The following HPSE2 variants were observed in gnomAD, a reference collection of about 807,000 sequenced individuals.
HPSE2 encodes inactive heparanase-2.
Under a neutral mutation model 60.5 loss-of-function variants are expected in HPSE2, and 38 were observed. The ratio of observed to expected loss-of-function variants is 0.63; its 90% CI spans 0.48 to 0.82. HPSE2 has a LOEUF of 0.82. Ranked by LOEUF, HPSE2 falls within the 40% of genes least tolerant of loss-of-function variation. The pLI is 0.00. For synonymous variants in HPSE2, 295 were observed against 293.2 expected (o/e 1.01, Z -0.06); for missense variants, 713 against 740.4 (o/e 0.96, Z 0.43).
chr10:98,913,903 C>T (rs1176270049), intron 3 of HPSE2, among the ~76,000 whole-genome samples: 1 of 152,046 alleles, frequency 6.6e-6, no homozygotes, highest in Non-Finnish European at 1.5e-5. Context: ...AGCTTAAATC[C>T]ACAAATAATT....
chr10:99,181,940 C>T (rs1350372761), intron 2 of HPSE2, among the ~76,000 whole-genome samples: 1 of 152,064 alleles, frequency 6.6e-6, no homozygotes, highest in Non-Finnish European at 1.5e-5. Flanking sequence ...CACTTGCTCA[C>T]AGAGGAAAGA....
chr10:99,106,618 A>T (rs1156525295), intron 3 of HPSE2, among the ~76,000 whole-genome samples: 2 of 151,360 alleles, frequency 1.3e-5, no homozygotes, highest in African/African-American at 4.8e-5. Flanking sequence ...TTGTATCTAA[A>T]AATAATAATA....
rs779720749 is a variant in HPSE2, at chr10:98,852,113, A to ATATATGTGTGTGTGTG, written c.611-108058_611-108057insCACACACACACATATA. Among the ~76,000 whole-genome samples, 86 of 91,946 alleles carry ATATATGTGTGTGTGTG rather than the reference A, an allele frequency of 9.4e-4. 1 individual carries two copies. Among genetic ancestry groups the ATATATGTGTGTGTGTG allele is most frequent in the East Asian group, 1.1e-3 (3 of 2,628 alleles). The allele number at this position is 91,946 out of a possible 152,430, so 60.3% of individuals were successfully genotyped here. On this transcript the variant is annotated intron_variant, in intron 3 of 11. Transcript: ENST00000370552. ...GGTTTTGCAAACCTTGTATATTATGATGTGTGTGTGTGTGTGTGTGTGTGT... is the reference window on the plus strand; with the variant it reads ...GGTTTTGCAAACCTTGTATATTATGATATATGTGTGTGTGTGTGTGTGTGTGTGTGTGTGTGTGTGT...
Position 98,937,002 on chromosome 10 carries a change from A to C in HPSE2, c.611-192946T>G, listed in dbSNP as rs1405616975. On this transcript the variant is annotated intron_variant, in intron 3 of 11. Coordinates refer to ENST00000370552, the MANE Select transcript of HPSE2 (RefSeq NM_021828.5). ...TCAAAAAAAAAAAAAAAAAAAAAAA[A>C]AAACAAGTTTTCCAACTTTTTGGAA... 2.9e-4 allele frequency among the ~76,000 whole-genome samples: 41 copies of C among 141,128 alleles called. 5 individuals are homozygous for C. The highest frequency in any genetic ancestry group is 1.2e-3 in the African/African-American group (40 of 34,042). 92.6% of individuals were successfully genotyped at this position (141,128 alleles called of 152,430 possible).
intron 3 of HPSE2, among the ~76,000 whole-genome samples, chr10:98,957,209 A>C (rs1955531456): frequency 6.6e-6 from 1 of 152,204 alleles, no homozygotes; most frequent in African/African-American, 2.4e-5. Context: ...ACATGTCTTT[A>C]CACTAAAAGC....
At chr10:99,259,633 A>G in the HPSE2 span, among the ~76,000 whole-genome samples, 1 of 152,178 alleles carries the variant, frequency 6.6e-6, no homozygotes, top group African/African-American at 2.4e-5. Flanking sequence ...GAATAAAACA[A>G]TATTCCAACA....
rs536977279 is a variant in HPSE2 at position 98,850,288 on chromosome 10, CAA to C, written c.611-106234_611-106233del. On this transcript the variant is annotated intron_variant, in intron 3 of 11. Coordinates refer to ENST00000370552, the MANE Select transcript of HPSE2 (RefSeq NM_021828.5). ...TATCTGACATTGTTCAACAGATATT[CAA>C]AGTTCTTACATAATTGAGAAGTATA... is the stretch of plus-strand genomic sequence containing the variant. 8.0e-4 allele frequency among the ~76,000 whole-genome samples: 122 copies of C among 152,086 alleles called. 1 individual carries two copies. Among genetic ancestry groups the C allele is most frequent in the African/African-American group, 2.8e-3 (115 of 41,488 alleles).
At chr10:98,990,209 A>G (rs908488375) in intron 3 of HPSE2, among the ~76,000 whole-genome samples, 3 of 152,154 alleles carry the variant, frequency 2.0e-5, no homozygotes, top group African/African-American at 4.8e-5. Context: ...ATCAGTCTGC[A>G]AGAAATTGGT....
the HPSE2 span, among the ~76,000 whole-genome samples, chr10:99,275,242 G>A: frequency 5.7e-3 from 867 of 152,280 alleles, 3 homozygotes; most frequent in Non-Finnish European, 9.5e-3. Context: ...TTAAGATAAA[G>A]ACAAACTGAG....
intron 9 of HPSE2, among the ~76,000 whole-genome samples, chr10:98,518,779 C>T (rs941422941): frequency 7.9e-5 from 12 of 151,760 alleles, no homozygotes; most frequent in Admixed American, 5.9e-4. Flanking sequence ...CAAGATAATG[C>T]GTGCAAAGAG....
At chr10:98,826,943 T>C (rs997484654) in intron 3 of HPSE2, among the ~76,000 whole-genome samples, 1 of 151,810 alleles carries the variant, frequency 6.6e-6, no homozygotes, top group Non-Finnish European at 1.5e-5. Context: ...AGACCAGGAG[T>C]TTGGGACCAG....
Position 98,929,679 on chromosome 10 carries a change from T to C in HPSE2, c.611-185623A>G, listed in dbSNP as rs1221886794. 1.4e-5 allele frequency among the ~76,000 whole-genome samples: 2 copies of C among 143,860 alleles called. 1 individual carries two copies. Among genetic ancestry groups the C allele is most frequent in the African/African-American group, 5.7e-5 (2 of 35,392 alleles). The allele number at this position is 143,860 out of a possible 152,430, so 94.4% of individuals were successfully genotyped here. ...GAGAAAAAATAAGACTATATATTCA[T>C]ATTTGCTTCTATTTCGATAAAGAAA... is the stretch of plus-strand genomic sequence containing the variant. On this transcript the variant is annotated intron_variant, in intron 3 of 11. Transcript: ENST00000370552.
chr10:99,118,158 G>T (rs1844784202), intron 3 of HPSE2, among the ~76,000 whole-genome samples: 1 of 151,874 alleles, frequency 6.6e-6, no homozygotes, highest in African/African-American at 2.4e-5. Flanking sequence ...TATCTCAATA[G>T]ACGCAGGAAA....
At chr10:98,917,541 C>T (rs1342326028) in intron 3 of HPSE2, among the ~76,000 whole-genome samples, 1 of 152,214 alleles carries the variant, frequency 6.6e-6, no homozygotes, top group Non-Finnish European at 1.5e-5. Context: ...TACAACTTAA[C>T]TTCTCTGAGC....
the HPSE2 span, among the ~76,000 whole-genome samples, chr10:99,291,739 G>A: frequency 2.6e-5 from 4 of 152,132 alleles, no homozygotes; most frequent in Non-Finnish European, 4.4e-5. Flanking sequence ...GTAAGTGATA[G>A]GGCTAGGCCC....
intron 3 of HPSE2, among the ~76,000 whole-genome samples, chr10:99,007,172 A>T (rs1251553524): frequency 1.3e-5 from 2 of 152,158 alleles, no homozygotes; most frequent in Non-Finnish European, 2.9e-5. Flanking sequence ...TCCTCCGGGT[A>T]GACCTGGAGT....
chr10:98,737,747 A>G (rs1417964950), intron 4 of HPSE2, among the ~76,000 whole-genome samples: 1 of 152,166 alleles, frequency 6.6e-6, no homozygotes, highest in Non-Finnish European at 1.5e-5. Context: ...AGAAAAAACC[A>G]CCTAGGAATC....
chr10:99,106,659 C>T (rs1322773677), intron 3 of HPSE2, among the ~76,000 whole-genome samples: 1 of 151,720 alleles, frequency 6.6e-6, no homozygotes, highest in African/African-American at 2.4e-5. Flanking sequence ...TGCCACTTAC[C>T]TAAGGGCTTA....
At chr10:98,468,431 G>A (rs1940644197) in intron 11 of HPSE2, among the ~76,000 whole-genome samples, 1 of 152,078 alleles carries the variant, frequency 6.6e-6, no homozygotes, top group Non-Finnish European at 1.5e-5. Flanking sequence ...TTTCTTCTAT[G>A]TGCTTTTTGC....
Sources: allele counts gnomAD v4.1 joint callset (sites outside exome capture counted in the v4.1 genomes callset), GRCh38; gene constraint gnomAD v4.1.1; transcripts MANE v1.5; gene names NCBI Gene and HGNC (gene_info 2026-07-23, HGNC 2026-07-21).